GPATCH2L: variants seen among roughly 807,000 people sequenced by gnomAD.
GPATCH2L encodes the protein G patch domain-containing protein 2-like.
In GPATCH2L, 31 loss-of-function variants were observed where a neutral mutation model predicts 57.4. The observed-to-expected ratio is 0.54, with a 90% confidence interval of 0.41 to 0.73. The LOEUF is 0.73. Ranked by LOEUF, GPATCH2L falls within the 30% of genes least tolerant of loss-of-function variation. The pLI is 0.00. For missense variants in GPATCH2L, 481 were observed against 599.9 expected (o/e 0.80, Z 2.07); for synonymous variants, 199 against 210.7 (o/e 0.94, Z 0.48).
chr14:76,225,636 T>C (rs1280631053), intron 1 of GPATCH2L, among the ~76,000 whole-genome samples: 1 of 152,160 alleles, frequency 6.6e-6, no homozygotes, highest in Non-Finnish European at 1.5e-5. Flanking sequence ...AAAGTTGAAA[T>C]GTTCTATTTA....
chr14:76,228,976 G>A (rs1353407886), intron 1 of GPATCH2L, among the ~76,000 whole-genome samples: 2 of 152,160 alleles, frequency 1.3e-5, no homozygotes, highest in Non-Finnish European at 2.9e-5. Flanking sequence ...GGCTTGTCAT[G>A]TCTCTCCATT....
chr14:76,184,026 GTGTGTGTGTGT>G (rs1566800894), intron 8 of GPATCH2L, among the ~76,000 whole-genome samples: 13 of 146,274 alleles, frequency 8.9e-5, no homozygotes, highest in South Asian at 8.4e-4. Context: ...TTAGCATGGT[GTGTGTGTGTGT>G]GTGTGTGTGT....
At chr14:76,218,445 A>C (rs186758839), downstream of GPATCH2L, among the ~76,000 whole-genome samples, 9 of 152,242 alleles carry the variant, frequency 5.9e-5, no homozygotes, top group East Asian at 1.7e-3. Context: ...CACAAAACAT[A>C]AATGATAACA....
intron 8 of GPATCH2L, among the ~76,000 whole-genome samples, chr14:76,191,082 G>A (rs558362872): frequency 2.2e-4 from 33 of 152,186 alleles, no homozygotes; most frequent in Admixed American, 4.6e-4. Context: ...CTTTCTACTT[G>A]TAGGGAGGGT....
At chr14:76,222,773 A>G (rs1316613216) in intron 1 of GPATCH2L, among the ~76,000 whole-genome samples, 1 of 152,010 alleles carries the variant, frequency 6.6e-6, no homozygotes. Context: ...CCTGGCCAAC[A>G]TGGTGAGACC....
At chr14:76,158,857 G>A (rs897985172) in intron 2 of GPATCH2L, among the ~76,000 whole-genome samples, 2 of 152,098 alleles carry the variant, frequency 1.3e-5, no homozygotes, top group African/African-American at 2.4e-5. Context: ...TTGGGAGGTC[G>A]ATATGATACT....
intron 1 of GPATCH2L, among the ~76,000 whole-genome samples, chr14:76,153,356 G>A (rs950004752): frequency 1.3e-5 from 2 of 152,228 alleles, no homozygotes; most frequent in Admixed American, 6.5e-5. Flanking sequence ...CCCTTAAGGG[G>A]GAATTTTGAA....
Position 76,154,519 on chromosome 14 carries a change from T to G in GPATCH2L, c.156T>G (p.Thr52=). The G allele has an allele frequency of 6.2e-7, 1 of 1,614,150 alleles. No homozygotes were observed. The highest frequency in any genetic ancestry group is 8.5e-7 in the Non-Finnish European group (1 of 1,180,030). The change falls in exon 2 of 10, where the codon ACT becomes ACG. Residue 52 remains threonine (T), a synonymous_variant. Transcript: ENST00000261530. The surrounding 1 kb of genome is among the most constrained non-coding windows in gnomAD (Gnocchi z 4.4). The part of the protein sequence containing the change: ...RRGRKRRSDF[T]HLAEHTCCYS... ...GTCGGAAGCGTCGTTCTGACTTCAC[T>G]CACCTGGCAGAGCATACCTGCTGCT... is the stretch of plus-strand genomic sequence containing the variant.
At chr14:76,164,801 A>C (rs1036641480) in intron 2 of GPATCH2L, among the ~76,000 whole-genome samples, 2 of 152,208 alleles carry the variant, frequency 1.3e-5, no homozygotes, top group Non-Finnish European at 2.9e-5. Flanking sequence ...GCGTTTAGCT[A>C]ACAGTGGACA....
intron 2 of GPATCH2L, among the ~76,000 whole-genome samples, chr14:76,230,175 A>G (rs1309004101): frequency 6.6e-6 from 1 of 152,216 alleles, no homozygotes; most frequent in African/African-American, 2.4e-5. Context: ...GGCCTGACAC[A>G]GAAGGGGAGT....
At chr14:76,165,386 G>C (rs2038783729) in intron 2 of GPATCH2L, among the ~76,000 whole-genome samples, 1 of 151,790 alleles carries the variant, frequency 6.6e-6, no homozygotes, top group African/African-American at 2.4e-5. Flanking sequence ...CAGCTACTTG[G>C]GAGGCTGAGG....
chr14:76,222,841 A>G (rs543614425), intron 1 of GPATCH2L, among the ~76,000 whole-genome samples: 2 of 151,976 alleles, frequency 1.3e-5, no homozygotes, highest in Admixed American at 1.3e-4. Context: ...CTGTAATCCT[A>G]GCTACTCAGG....
In GPATCH2L at chr14:76,201,675, G is replaced by T. The variant is rs758374884; in HGVS notation, c.1289-16G>T. On this transcript the variant is annotated splice_polypyrimidine_tract_variant and intron_variant, in intron 9 of 9. Transcript: ENST00000261530. ...TCCCCTTGATGTTTTGCTCCTCTCT[G>T]TTGTAACCTTACTAGTTCACATGGA... The T allele has an allele frequency of 1.9e-6, 3 of 1,589,304 alleles. No homozygotes were observed. Among genetic ancestry groups the T allele is most frequent in the Non-Finnish European group, 2.6e-6 (3 of 1,168,360 alleles).
rs2040375844 is a variant in GPATCH2L at position 76,206,340 on chromosome 14, G to T, written c.*4489G>T. ...CCAAAAGATGAACATCAAATGCCCG[G>T]AAACAGCAACATCAAAAAGAAGGAA... is the stretch of plus-strand genomic sequence containing the variant. On this transcript the variant is annotated 3_prime_UTR_variant, in exon 10 of 10. Transcript: ENST00000261530. 6.6e-6 allele frequency: 1 copy of T among 152,172 alleles called. No individual in the cohort carries two copies. The highest frequency in any genetic ancestry group is 1.5e-5 in the Non-Finnish European group (1 of 68,060). 9.4% of individuals were successfully genotyped at this position (152,172 alleles called of 1,614,324 possible). A position where few individuals can be genotyped will look rare whatever the true frequency, so the allele number is the denominator to read the frequency against.
In GPATCH2L at chr14:76,154,188, C is replaced by CTA. The variant is rs2038185168; in HGVS notation, c.-10-165_-10-164dup. On this transcript the variant is annotated intron_variant, in intron 1 of 9. Coordinates refer to ENST00000261530, the MANE Select transcript of GPATCH2L (RefSeq NM_017926.4). The surrounding 1 kb of genome is among the most constrained non-coding windows in gnomAD (Gnocchi z 4.4). ...CTTAAGGAAGTGGTAGGAACAGAAT[C>CTA]TAAGTGTAGCCAGATGAAAGGTGAC... 5.2e-6 allele frequency: 3 copies of CTA among 579,820 alleles called. No homozygotes were observed. Among genetic ancestry groups the CTA allele is most frequent in the Non-Finnish European group, 9.0e-6 (3 of 332,298 alleles). 35.9% of individuals were successfully genotyped at this position (579,820 alleles called of 1,614,324 possible).
chr14:76,168,252 G>A (rs1031415305), intron 3 of GPATCH2L, among the ~76,000 whole-genome samples: 5 of 152,230 alleles, frequency 3.3e-5, no homozygotes, highest in African/African-American at 1.2e-4. Flanking sequence ...CCCTGCAAGG[G>A]CATATTTATG....
chr14:76,179,391 A>G (rs1594952922), intron 7 of GPATCH2L: 1 of 152,364 alleles, frequency 6.6e-6, no homozygotes, highest in South Asian at 2.1e-4. Context: ...AGATAAGGAA[A>G]GTCATGAAGG....
chr14:76,182,661 C>T (rs1275129007), intron 8 of GPATCH2L, among the ~76,000 whole-genome samples: 2 of 151,412 alleles, frequency 1.3e-5, no homozygotes, highest in Non-Finnish European at 1.5e-5. Context: ...TAAGGCCTTT[C>T]CTTCAGTAGC....
In GPATCH2L at chr14:76,195,106, T is replaced by G. The variant is rs372029276; in HGVS notation, c.1194-772T>G. ...GTAAAGGTGAGACTCATTTTGGTCT[T>G]TAATCAGAGGCAGGATCTGTCTAGT... On this transcript the variant is annotated intron_variant, in intron 8 of 9. Coordinates refer to ENST00000261530, the MANE Select transcript of GPATCH2L (RefSeq NM_017926.4). 4.6e-5 allele frequency among the ~76,000 whole-genome samples: 7 copies of G among 152,284 alleles called. No individual in the cohort carries two copies. In the East Asian group the frequency reaches 1.4e-3, roughly 29 times the overall value.
Sources: allele counts gnomAD v4.1 joint callset (sites outside exome capture counted in the v4.1 genomes callset), GRCh38; gene constraint gnomAD v4.1.1; non-coding constraint Gnocchi (gnomAD v3.1); transcripts MANE v1.5; gene names NCBI Gene and HGNC (gene_info 2026-07-23, HGNC 2026-07-21).